VPS13D: variants seen among roughly 807,000 people sequenced by gnomAD.
VPS13D encodes the protein vacuolar protein sorting 13 homolog D.
In VPS13D, 187 loss-of-function variants were observed where a neutral mutation model predicts 461.9. The observed-to-expected ratio is 0.40, with a 90% CI of 0.36 to 0.46. The LOEUF (loss-of-function observed/expected upper bound fraction) is 0.46, where lower values mean the gene tolerates loss of function less well. Ranked by LOEUF, VPS13D falls within the 20% of genes least tolerant of loss-of-function variation. VPS13D has a pLI of 0.60. For synonymous variants in VPS13D, 1,951 were observed against 1,986.3 expected, an observed-to-expected ratio of 0.98 and a Z score of 0.47; for missense variants, 4,711 against 5,364.9, an observed-to-expected ratio of 0.88 and a Z score of 3.81.
chr1:12,312,855 C>A (rs2101502901), intron 29 of VPS13D, among the ~76,000 whole-genome samples: 1 of 152,296 alleles, frequency 6.6e-6, no homozygotes, highest in East Asian at 1.9e-4. Flanking sequence ...CATGTTCTCA[C>A]TTGGAAGCAT....
intron 68 of VPS13D, 102 bp downstream of exon 68, chr1:12,497,733 T>A (rs1645979906): frequency 7.2e-7 from 1 of 1,390,476 alleles, no homozygotes; most frequent in East Asian, 2.4e-5. Flanking sequence ...TCATGACTCT[T>A]GGACCTTAGA....
At chr1:12,342,266 A>G (rs1643586244) in intron 41 of VPS13D, among the ~76,000 whole-genome samples, 1 of 152,222 alleles carries the variant, frequency 6.6e-6, no homozygotes, top group East Asian at 1.9e-4. Context: ...GATTGCTTTG[A>G]AAACATCCCC....
chr1:12,448,524 C>T (rs1012887995), intron 65 of VPS13D, among the ~76,000 whole-genome samples: 3 of 152,120 alleles, frequency 2.0e-5, no homozygotes, highest in East Asian at 1.9e-4. Context: ...AGCATACCCC[C>T]CTTCTGCCAA....
At chr1:12,339,906 T>C (rs969146519) in intron 40 of VPS13D, among the ~76,000 whole-genome samples, 4 of 152,226 alleles carry the variant, frequency 2.6e-5, no homozygotes, top group Admixed American at 2.6e-4. Context: ...ATCAAAGCCA[T>C]CTGCCACCTG....
chr1:12,262,348 C>A (rs1293113804), intron 13 of VPS13D, among the ~76,000 whole-genome samples: 1 of 152,106 alleles, frequency 6.6e-6, no homozygotes, highest in Non-Finnish European at 1.5e-5. Context: ...TACAGACAGT[C>A]CTTGACTTAG....
rs200699054 is a variant in VPS13D, at chr1:12,281,636, T to C, written c.4603-1069T>C. ...ATATCAGGAGGCACATAATCAGGTCTTTTTTCTCTCTTATTGATGTTAAAG... is the reference window on the plus strand; with the variant it reads ...ATATCAGGAGGCACATAATCAGGTCCTTTTTCTCTCTTATTGATGTTAAAG... On this transcript the variant is annotated intron_variant, in intron 20 of 69. Coordinates refer to ENST00000620676, the MANE Select transcript of VPS13D (RefSeq NM_015378.4). Among the ~76,000 whole-genome samples the C allele has an allele frequency of 1.4e-4, 22 of 152,282 alleles. No homozygotes were observed. In the East Asian group the frequency reaches 2.5e-3, roughly 17 times the overall value.
intron 63 of VPS13D, among the ~76,000 whole-genome samples, chr1:12,406,611 C>T (rs1319150815): frequency 6.6e-6 from 1 of 152,164 alleles, no homozygotes. Flanking sequence ...AATTGGATTC[C>T]TTACTCTGCG....
chr1:12,462,489 T>C (rs1483105889), intron 67 of VPS13D, among the ~76,000 whole-genome samples: 1 of 152,216 alleles, frequency 6.6e-6, no homozygotes, highest in Non-Finnish European at 1.5e-5. Context: ...ATCTTCATAG[T>C]TGATTTACAA....
At chr1:12,363,379 C>T in intron 52 of VPS13D, 132 bp downstream of exon 52, 1 of 947,280 alleles carries the variant, frequency 1.1e-6, no homozygotes, top group Non-Finnish European at 1.6e-6. Flanking sequence ...TTGCAAAGTC[C>T]AGGGAAGTGT....
intron 32 of VPS13D, among the ~76,000 whole-genome samples, chr1:12,321,232 C>G (rs751260831): frequency 2.0e-5 from 3 of 151,924 alleles, no homozygotes; most frequent in Non-Finnish European, 4.4e-5. Context: ...TACCTATCAC[C>G]CAGTTTTAAT....
chr1:12,327,867 C>T lies in VPS13D; in HGVS notation c.8197+13C>T, dbSNP rs1009471474. ...CTCACCTTTTCCCGTGAGTGTTGTA[C>T]TGGTTTTCAGATTCATCTTGAATAT... On this transcript the variant is annotated intron_variant, in intron 36 of 69. Transcript: ENST00000620676. 1 of 1,611,676 alleles carries T rather than the reference C, an allele frequency of 6.2e-7. No homozygotes were observed. Among genetic ancestry groups the T allele is most frequent in the Non-Finnish European group, 8.5e-7 (1 of 1,179,404 alleles).
intron 2 of VPS13D, among the ~76,000 whole-genome samples, chr1:12,238,561 G>A (rs1476104003): frequency 1.3e-5 from 2 of 151,352 alleles, no homozygotes; most frequent in Non-Finnish European, 2.9e-5. Flanking sequence ...GTATTGTTGT[G>A]AGGATTAAAT....
In VPS13D at chr1:12,495,898, C is replaced by T. The variant is rs577388832; in HGVS notation, c.12663-1602C>T. Among the ~76,000 whole-genome samples, 1 of 152,300 alleles carries T rather than the reference C, an allele frequency of 6.6e-6. No individual in the cohort carries two copies. Among genetic ancestry groups the T allele is most frequent in the Non-Finnish European group, 1.5e-5 (1 of 68,026 alleles). On this transcript the variant is annotated intron_variant, in intron 67 of 69. Coordinates refer to ENST00000620676, the MANE Select transcript of VPS13D (RefSeq NM_015378.4). The surrounding 1 kb of genome is among the most constrained non-coding windows in gnomAD (Gnocchi z 4.0). ...CAGAGCTCTGCTACGTGGAGAGGCA[C>T]GCCAAGCTCCTTCCCCCAACCCCGC... is the stretch of plus-strand genomic sequence containing the variant.
At chr1:12,477,595 T>C (rs1356300895) in intron 67 of VPS13D, among the ~76,000 whole-genome samples, 1 of 152,216 alleles carries the variant, frequency 6.6e-6, no homozygotes, top group African/African-American at 2.4e-5. Flanking sequence ...TGTGAGCTGC[T>C]TGTTTAACAC....
At chr1:12,485,662 G>C (rs1645787894) in intron 67 of VPS13D, among the ~76,000 whole-genome samples, 1 of 152,214 alleles carries the variant, frequency 6.6e-6, no homozygotes, top group South Asian at 2.1e-4. Flanking sequence ...TAAAAAGGTT[G>C]TTGGGGGGGT....
chr1:12,398,857 C>T (rs901367949), intron 60 of VPS13D, among the ~76,000 whole-genome samples: 1 of 152,174 alleles, frequency 6.6e-6, no homozygotes. Context: ...AGAGAAGCAT[C>T]GATAGCATAG....
At chr1:12,421,134 C>G (rs914359224) in intron 65 of VPS13D, among the ~76,000 whole-genome samples, 10 of 152,150 alleles carry the variant, frequency 6.6e-5, no homozygotes, top group Admixed American at 5.9e-4. Flanking sequence ...GCCTTTCTTT[C>G]TCATCTCCCA....
At chr1:12,403,710 T>A (rs1246782165) in intron 62 of VPS13D, 115 bp from the exon 63 acceptor site, 6 of 985,312 alleles carry the variant, frequency 6.1e-6, no homozygotes, top group Non-Finnish European at 7.3e-6. Context: ...AAATCGAGAG[T>A]GATAGATGGT....
intron 65 of VPS13D, among the ~76,000 whole-genome samples, chr1:12,442,831 C>T (rs1187064387): frequency 1.3e-5 from 2 of 151,908 alleles, no homozygotes; most frequent in African/African-American, 2.4e-5. Flanking sequence ...TCAAGTCATC[C>T]TCCCACCTCG....
Sources: gnomAD v4.1 joint callset for allele counts (sites outside exome capture counted in the v4.1 genomes callset) on GRCh38, gnomAD v4.1.1 for gene constraint, Gnocchi (gnomAD v3.1) non-coding constraint, MANE v1.5 for transcripts, NCBI Gene and HGNC (gene_info 2026-07-23, HGNC 2026-07-21) for gene names.